CSMD1: variants seen among roughly 807,000 people sequenced by gnomAD.
CSMD1 encodes CUB and Sushi multiple domains 1, also known as CUB and sushi domain-containing protein 1.
CSMD1 carries 213 observed loss-of-function variants against 417.5 expected under a neutral mutation model. The ratio of observed to expected loss-of-function variants is 0.51; its 90% confidence interval spans 0.46 to 0.57. CSMD1 has a LOEUF of 0.57. Among genes scored for constraint, CSMD1 ranks in the 20% least tolerant of loss-of-function variants. The pLI is 0.00. For synonymous variants in CSMD1, 2,862 were observed against 1,736.8 expected (o/e 1.65, Z -16.11); for missense variants, 6,923 against 4,529.7 (o/e 1.53, Z -15.17).
In CSMD1 at chr8:4,146,593, CATTTTT is replaced by C. The variant is rs1349741324; in HGVS notation, c.416-114500_416-114495del. Among the ~76,000 whole-genome samples the C allele has an allele frequency of 6.2e-3, 565 of 90,704 alleles. 48 individuals carry two copies. Among genetic ancestry groups the C allele is most frequent in the East Asian group, 0.031 (97 of 3,168 alleles). The allele number at this position is 90,704 out of a possible 152,430, so 59.5% of individuals were successfully genotyped here. ...ATCTGTCTAAATGTTTATATGGACA[CATTTTT>C]TTTTTTTTTTTTTTTTTTTTTTTTT... On this transcript the variant is annotated intron_variant, in intron 3 of 69. Transcript: ENST00000635120.
chr8:4,625,056 C>T (rs1157832133), intron 2 of CSMD1, among the ~76,000 whole-genome samples: 1 of 152,104 alleles, frequency 6.6e-6, no homozygotes, highest in Admixed American at 6.5e-5. Context: ...GAATGACAGT[C>T]ACATTTTAAA....
Position 3,189,922 on chromosome 8 carries a change from G to T in CSMD1, c.5388C>A (p.Pro1796=), listed in dbSNP as rs1188790860. The T allele has an allele frequency of 1.3e-6, 2 of 1,580,408 alleles. No individual in the cohort carries two copies. Among genetic ancestry groups the T allele is most frequent in the South Asian group, 2.3e-5 (2 of 86,024 alleles). Residue 1796 remains proline (P), a synonymous_variant, in exon 34 of 70, where the codon CCC becomes CCA. Transcript: ENST00000635120. Reference sequence around the variant, plus strand: ...AGGGACACTGCTCACCCACACAGCTGGGGATCGTGTCGTTCCACTGTGCCA... The same window carrying T: ...AGGGACACTGCTCACCCACACAGCTTGGGATCGTGTCGTTCCACTGTGCCA... ...NALAQWNDTI[P]SCVVPCSGNF... is the part of the protein sequence containing the mutation.
At chr8:4,598,308 A>G (rs1018738060) in intron 2 of CSMD1, among the ~76,000 whole-genome samples, 9 of 152,226 alleles carry the variant, frequency 5.9e-5, no homozygotes, top group Admixed American at 1.3e-4. Flanking sequence ...TACGAATACT[A>G]TGCTGAATTC....
chr8:4,771,452 T>G (rs542225189), intron 1 of CSMD1, among the ~76,000 whole-genome samples: 1 of 152,360 alleles, frequency 6.6e-6, no homozygotes, highest in African/African-American at 2.4e-5. Flanking sequence ...TTACTTTAAA[T>G]ACACATCCTC....
At chr8:3,581,489 G>A (rs1286036972) in intron 9 of CSMD1, among the ~76,000 whole-genome samples, 2 of 152,196 alleles carry the variant, frequency 1.3e-5, no homozygotes, top group African/African-American at 4.8e-5. Flanking sequence ...CCTCCAGATG[G>A]AAGGATCACT....
At chr8:2,941,431 A>T (rs1263442626) in intron 69 of CSMD1, among the ~76,000 whole-genome samples, 2 of 152,230 alleles carry the variant, frequency 1.3e-5, no homozygotes, top group Non-Finnish European at 2.9e-5. Context: ...ATTTTATTTC[A>T]GGGGATCATA....
In CSMD1 at chr8:4,236,372, G is replaced by A. The variant is rs547150421; in HGVS notation, c.415+183581C>T. Among the ~76,000 whole-genome samples the A allele has an allele frequency of 2.0e-4, 31 of 152,240 alleles. No individual in the cohort carries two copies. In the East Asian group the frequency reaches 6.0e-3, roughly 29 times the overall value. ...AACCAAGATTTCATCCCCACTCGGA[G>A]AAAGGGGTGAAGACGAGACGAAGCA... On this transcript the variant is annotated intron_variant, in intron 3 of 69. Coordinates refer to ENST00000635120, the MANE Select transcript of CSMD1 (RefSeq NM_033225.6).
At chr8:4,621,625 C>G (rs1325078351) in intron 2 of CSMD1, among the ~76,000 whole-genome samples, 1 of 151,948 alleles carries the variant, frequency 6.6e-6, no homozygotes, top group Admixed American at 6.6e-5. Context: ...GAAATCACAT[C>G]AAAATTACAC....
At chr8:4,464,090 G>A (rs7822968) in intron 2 of CSMD1, among the ~76,000 whole-genome samples, 2 of 151,924 alleles carry the variant, frequency 1.3e-5, no homozygotes, top group Non-Finnish European at 2.9e-5. Context: ...AGGTTTCTCA[G>A]TTTTCTAAAA....
intron 1 of CSMD1, among the ~76,000 whole-genome samples, chr8:4,897,357 T>C (rs904997050): frequency 4.6e-5 from 7 of 152,070 alleles, no homozygotes; most frequent in Admixed American, 2.6e-4. Flanking sequence ...CTATAGGCCA[T>C]GGGCGAGTGG....
In CSMD1 at chr8:3,367,047, T is replaced by G. The variant is rs776584679; in HGVS notation, c.3100A>C (p.Asn1034His). ...SDFSISYEGF[N>H]ITFSEYDLEP... ...ACCAACATACCTGAAAATGTGATATTGAAGCCCTCGTACGAAATTGAGAAG... is the reference window on the plus strand; with the variant it reads ...ACCAACATACCTGAAAATGTGATATGGAAGCCCTCGTACGAAATTGAGAAG... The change falls in exon 20 of 70, where the codon AAT becomes CAT. Residue 1034 changes from asparagine (N) to histidine (H), a missense_variant. Transcript: ENST00000635120. 3.1e-6 allele frequency: 5 copies of G among 1,613,278 alleles called. No individual in the cohort carries two copies. Among genetic ancestry groups the G allele is most frequent in the Non-Finnish European group, 4.2e-6 (5 of 1,179,478 alleles).
At position 4,740,296 on chromosome 8, in the gene CSMD1, T is replaced by C. The variant is rs566936268; in HGVS notation, c.86-102738A>G. On this transcript the variant is annotated intron_variant, in intron 1 of 69. Coordinates refer to ENST00000635120, the MANE Select transcript of CSMD1 (RefSeq NM_033225.6). Reference sequence around the variant, plus strand: ...TCTGTATTTTTGAAGGTCTTTATTATAGGGTCTTACATTTTACTAATGTTG... The same window carrying C: ...TCTGTATTTTTGAAGGTCTTTATTACAGGGTCTTACATTTTACTAATGTTG... Among the ~76,000 whole-genome samples the C allele has an allele frequency of 2.7e-4, 41 of 152,308 alleles. No homozygotes were observed. The South Asian group carries it at 8.3e-3, about 31-fold the overall frequency.
chr8:4,946,030 G>A (rs1405562799), intron 1 of CSMD1, among the ~76,000 whole-genome samples: 2 of 152,176 alleles, frequency 1.3e-5, no homozygotes, highest in East Asian at 3.9e-4. Context: ...GTGAACATCA[G>A]ACTTCTCCCG....
intron 3 of CSMD1, among the ~76,000 whole-genome samples, chr8:4,391,938 C>T (rs958707272): frequency 2.0e-5 from 3 of 152,188 alleles, no homozygotes; most frequent in African/African-American, 7.2e-5. Context: ...ATGAAGAATA[C>T]TGAGATAGTC....
chr8:3,835,057 G>C (rs938141677), intron 5 of CSMD1, among the ~76,000 whole-genome samples: 6 of 151,832 alleles, frequency 4.0e-5, no homozygotes, highest in Middle Eastern at 3.4e-3. Flanking sequence ...TCATTAAAAA[G>C]TCAGGAAACA....
intron 3 of CSMD1, among the ~76,000 whole-genome samples, chr8:4,317,163 G>C (rs1798981799): frequency 6.6e-6 from 1 of 152,096 alleles, no homozygotes; most frequent in African/African-American, 2.4e-5. Context: ...CAAATCCCTT[G>C]TAAAGTTTTA....
chr8:3,364,481 G>T (rs36119823), intron 20 of CSMD1, among the ~76,000 whole-genome samples: 27,188 of 152,108 alleles, frequency 0.18, 2,576 homozygotes, highest in African/African-American at 0.23. Flanking sequence ...TTGTTGGCTT[G>T]CTTGTTTGTG....
chr8:2,962,767 G>A, intron 60 of CSMD1, 128 bp from the exon 61 acceptor site: 2 of 973,914 alleles, frequency 2.1e-6, no homozygotes, highest in South Asian at 3.5e-5. Context: ...GCTAAAAGGA[G>A]GCCAGGCACG....
intron 54 of CSMD1, among the ~76,000 whole-genome samples, chr8:2,981,511 C>A (rs1489913603): frequency 1.3e-5 from 2 of 152,216 alleles, no homozygotes; most frequent in African/African-American, 4.8e-5. Flanking sequence ...GGCTGCACCT[C>A]ATCTTAACAT....
Sources: allele counts gnomAD v4.1 joint callset (sites outside exome capture counted in the v4.1 genomes callset), GRCh38; gene constraint gnomAD v4.1.1; transcripts MANE v1.5; gene names NCBI Gene and HGNC (gene_info 2026-07-23, HGNC 2026-07-21).